The following EPS8 variants were observed in gnomAD, a reference collection of about 807,000 sequenced individuals.
EPS8 encodes the protein EGFR pathway substrate 8, signaling adaptor.
Under a neutral mutation model 103.8 loss-of-function variants are expected in EPS8, and 42 were observed. The ratio of observed to expected loss-of-function variants is 0.40; its 90% CI spans 0.32 to 0.52. The LOEUF (loss-of-function observed/expected upper bound fraction) is 0.52, where lower values mean the gene tolerates loss of function less well. Among genes scored for constraint, EPS8 ranks in the 20% least tolerant of loss-of-function variants. The pLI is 0.40. For synonymous variants in EPS8, 344 were observed against 344.6 expected, an observed-to-expected ratio of 1.00 and a Z score of 0.02; for missense variants, 969 against 1,005.1, an observed-to-expected ratio of 0.96 and a Z score of 0.49.
intron 12 of EPS8, among the ~76,000 whole-genome samples, chr12:15,655,274 C>T (rs903365218): frequency 6.6e-6 from 1 of 152,130 alleles, no homozygotes; most frequent in Non-Finnish European, 1.5e-5. Flanking sequence ...CACTCCCCAG[C>T]CTGCGTCCTC....
chr12:15,687,191 T>C (rs1946107425), intron 1 of EPS8, among the ~76,000 whole-genome samples: 1 of 152,154 alleles, frequency 6.6e-6, no homozygotes, highest in South Asian at 2.1e-4. Context: ...TCTAGAGCAA[T>C]CACGTTTTAA....
chr12:15,780,602 A>C lies in EPS8; in HGVS notation c.-22+8559T>G, dbSNP rs954296093. On this transcript the variant is annotated intron_variant, in intron 1 of 20. Transcript: ENST00000281172. This position sits in a 1 kb window ranked among gnomAD's most constrained non-coding sequence, Gnocchi z 4.1. The stretch of plus-strand genomic sequence containing the variant: ...ACTTGACATTTCCACCTCTTTGATA[A>C]GAAAACCAAGGCAGATAAGGTCTGA... 6 of 152,176 alleles carry C rather than the reference A, an allele frequency of 3.9e-5. No individual in the cohort carries two copies. The highest frequency in any genetic ancestry group is 1.5e-4 in the African/African-American group (6 of 41,376). 9.4% of individuals were successfully genotyped at this position (152,176 alleles called of 1,614,324 possible).
intron 8 of EPS8, among the ~76,000 whole-genome samples, chr12:15,663,941 A>ATTAT (rs71042266): frequency 5.5e-5 from 4 of 73,274 alleles, no homozygotes; most frequent in African/African-American, 2.0e-4. Context: ...AAAAAAAAAA[A>ATTAT]AAAAATAATA....
At chr12:15,637,852 G>A (rs1945163445) in intron 17 of EPS8, among the ~76,000 whole-genome samples, 1 of 152,198 alleles carries the variant, frequency 6.6e-6, no homozygotes. Flanking sequence ...CATGGCAGAT[G>A]ACCTGTGGAC....
chr12:15,686,278 C>A (rs992760538), intron 1 of EPS8, among the ~76,000 whole-genome samples: 2 of 152,266 alleles, frequency 1.3e-5, no homozygotes, highest in South Asian at 2.1e-4. Context: ...AATACATATA[C>A]AAAATACGTT....
intron 3 of EPS8, among the ~76,000 whole-genome samples, chr12:15,675,257 T>C (rs567942488): frequency 3.0e-4 from 46 of 152,248 alleles, no homozygotes; most frequent in African/African-American, 1.1e-3. Context: ...AAAACAGAAA[T>C]ATATTTTCCT....
intron 1 of EPS8, among the ~76,000 whole-genome samples, chr12:15,719,356 A>T (rs1259775161): frequency 6.6e-6 from 1 of 152,206 alleles, no homozygotes; most frequent in Non-Finnish European, 1.5e-5. Flanking sequence ...ACAGTTGTTA[A>T]AATGATATAG....
rs1207957211 is a variant in EPS8, at chr12:15,713,469, A to G, written c.-21-30497T>C. 6.6e-6 allele frequency: 1 copy of G among 152,288 alleles called. No homozygotes were observed. Among genetic ancestry groups the G allele is most frequent in the East Asian group, 1.9e-4 (1 of 5,204 alleles). The allele number at this position is 152,288 out of a possible 1,614,324, so 9.4% of individuals were successfully genotyped here. A position where few individuals can be genotyped will look rare whatever the true frequency, so the allele number is the denominator to read the frequency against. On this transcript the variant is annotated intron_variant, in intron 1 of 20. Coordinates refer to ENST00000281172, the MANE Select transcript of EPS8 (RefSeq NM_004447.6). The surrounding 1 kb of genome is among the most constrained non-coding windows in gnomAD (Gnocchi z 4.8). ...GCATACACTGTCAGCTGTGGCCAAC[A>G]CTGGAGCTATGGGGATAATCACTGG...
intron 15 of EPS8, among the ~76,000 whole-genome samples, chr12:15,642,395 C>T (rs1015835822): frequency 6.6e-6 from 1 of 151,998 alleles, no homozygotes; most frequent in Non-Finnish European, 1.5e-5. Flanking sequence ...AGACTAGTAA[C>T]ACTTGCAAAT....
intron 1 of EPS8, among the ~76,000 whole-genome samples, chr12:15,729,882 A>G (rs985586612): frequency 3.9e-5 from 6 of 152,226 alleles, no homozygotes; most frequent in African/African-American, 1.2e-4. Flanking sequence ...TAATGTTTAC[A>G]TAGGTATGAT....
In EPS8 at chr12:15,706,065, T is replaced by C. The variant is rs1038946419; in HGVS notation, c.-21-23093A>G. Among the ~76,000 whole-genome samples the C allele has an allele frequency of 2.0e-5, 3 of 152,184 alleles. No homozygotes were observed. Among genetic ancestry groups the C allele is most frequent in the African/African-American group, 4.8e-5 (2 of 41,434 alleles). On this transcript the variant is annotated intron_variant, in intron 1 of 20. Transcript: ENST00000281172. This position sits in a 1 kb window ranked among gnomAD's most constrained non-coding sequence, Gnocchi z 5.2. ...ACATTCAAGAATGACCCTGAATCTATTTTCTTTCCTTCTGTCTCCAAATCC... is the reference window on the plus strand; with the variant it reads ...ACATTCAAGAATGACCCTGAATCTACTTTCTTTCCTTCTGTCTCCAAATCC...
At chr12:15,755,608 T>A (rs1444087822) in intron 1 of EPS8, among the ~76,000 whole-genome samples, 1 of 152,202 alleles carries the variant, frequency 6.6e-6, no homozygotes, top group Non-Finnish European at 1.5e-5. Context: ...AAAGTATTCA[T>A]CTTGGAACCA....
At chr12:15,660,518 C>T (rs1945587469) in intron 10 of EPS8, 96 bp downstream of exon 10, 2 of 736,384 alleles carry the variant, frequency 2.7e-6, no homozygotes, top group Admixed American at 2.1e-5. Flanking sequence ...CCCGCCTCGG[C>T]CTCCCAAAGT....
chr12:15,676,145 C>T (rs532731697), intron 3 of EPS8, among the ~76,000 whole-genome samples: 39 of 150,904 alleles, frequency 2.6e-4, no homozygotes, highest in East Asian at 2.2e-3. Context: ...TGGTGGCGGG[C>T]GCCTGTAGTC....
At chr12:15,642,190 T>A (rs1481695347) in intron 15 of EPS8, among the ~76,000 whole-genome samples, 2 of 152,110 alleles carry the variant, frequency 1.3e-5, no homozygotes, top group African/African-American at 4.8e-5. Context: ...TTAGTATTTT[T>A]CATAAAGTTA....
intron 1 of EPS8, among the ~76,000 whole-genome samples, chr12:15,775,571 G>GA (rs57530115): frequency 1.3e-5 from 2 of 152,060 alleles, no homozygotes; most frequent in Non-Finnish European, 2.9e-5. Flanking sequence ...ATTTGAATAG[G>GA]AAAAAATGTG....
At chr12:15,712,242 A>T (rs1227599196) in intron 1 of EPS8, among the ~76,000 whole-genome samples, 2 of 146,744 alleles carry the variant, frequency 1.4e-5, no homozygotes, top group East Asian at 3.9e-4. Flanking sequence ...CATGGGCTTT[A>T]AAAAAAAAAA....
At chr12:15,631,714 G>A in intron 17 of EPS8, 50 bp from the exon 18 acceptor site, 3 of 1,428,814 alleles carry the variant, frequency 2.1e-6, no homozygotes, top group Non-Finnish European at 2.8e-6. Flanking sequence ...ATAAACCTAG[G>A]CTAGGAAAAC....
intron 1 of EPS8, among the ~76,000 whole-genome samples, chr12:15,741,134 A>G (rs1946817261): frequency 6.6e-6 from 1 of 152,232 alleles, no homozygotes. Flanking sequence ...AGCTGCATAG[A>G]GTCGTGGGCT....
Sources: allele counts gnomAD v4.1 joint callset (sites outside exome capture counted in the v4.1 genomes callset), GRCh38; gene constraint gnomAD v4.1.1; non-coding constraint Gnocchi (gnomAD v3.1); transcripts MANE v1.5; gene names NCBI Gene and HGNC (gene_info 2026-07-23, HGNC 2026-07-21).